Variants in PDE4B observed in about 807,000 individuals in gnomAD.
The protein encoded by PDE4B is phosphodiesterase 4B.
Under a neutral mutation model 82.2 loss-of-function variants are expected in PDE4B, and 20 were observed. That is an observed-to-expected ratio of 0.24 (90% CI 0.17 to 0.35). PDE4B has a LOEUF of 0.35. PDE4B is among the 10% of genes least tolerant of loss of function. The pLI is 1.00. For missense variants in PDE4B, 655 were observed against 907.2 expected (o/e 0.72, Z 3.57); for synonymous variants, 320 against 318.9 (o/e 1.00, Z -0.04).
chr1:65,955,354 T>A (rs1383897357), intron 3 of PDE4B, among the ~76,000 whole-genome samples: 2 of 152,094 alleles, frequency 1.3e-5, no homozygotes, highest in African/African-American at 4.8e-5. Context: ...TCCACTAAAG[T>A]CAAGTGCAGT....
intron 4 of PDE4B, among the ~76,000 whole-genome samples, chr1:66,248,084 G>T (rs1653468352): frequency 6.6e-6 from 1 of 152,082 alleles, no homozygotes; most frequent in Non-Finnish European, 1.5e-5. Flanking sequence ...CCTTTGCTTG[G>T]TGACTTTAAT....
chr1:65,875,148 A>G (rs1646624505), intron 1 of PDE4B, among the ~76,000 whole-genome samples: 1 of 152,206 alleles, frequency 6.6e-6, no homozygotes, highest in Admixed American at 6.5e-5. Context: ...AAGGACATGA[A>G]CAGAAACTTC....
chr1:65,922,523 T>C (rs868444545), intron 3 of PDE4B, among the ~76,000 whole-genome samples: 1 of 152,190 alleles, frequency 6.6e-6, no homozygotes, highest in African/African-American at 2.4e-5. Context: ...TTTATGTCTG[T>C]GGGCAAGTGG....
intron 3 of PDE4B, among the ~76,000 whole-genome samples, chr1:66,148,277 A>G (rs1646315386): frequency 6.6e-6 from 1 of 151,770 alleles, no homozygotes; most frequent in African/African-American, 2.4e-5. Context: ...CTTTAAAATA[A>G]TAATAATAAT....
intron 8 of PDE4B, among the ~76,000 whole-genome samples, chr1:66,349,877 A>G (rs538470934): frequency 6.6e-6 from 1 of 152,128 alleles, no homozygotes; most frequent in Admixed American, 6.5e-5. Flanking sequence ...TTGGGTCTTC[A>G]TTTCTTCCCA....
intron 3 of PDE4B, among the ~76,000 whole-genome samples, chr1:66,004,808 A>C (rs75552502): frequency 6.6e-6 from 1 of 151,962 alleles, no homozygotes; most frequent in Admixed American, 6.6e-5. Flanking sequence ...GTTTCCTGGC[A>C]CCACCACTTA....
chr1:66,332,443 T>C, intron 7 of PDE4B, 65 bp from the exon 8 acceptor site: 1 of 1,614,094 alleles, frequency 6.2e-7, no homozygotes, highest in Non-Finnish European at 8.5e-7. Context: ...GTGGTAGCGG[T>C]GACTCTGCTA....
At chr1:66,200,127 G>C (rs1345696243) in intron 3 of PDE4B, among the ~76,000 whole-genome samples, 3 of 152,056 alleles carry the variant, frequency 2.0e-5, no homozygotes, top group African/African-American at 4.8e-5. Context: ...TCTTGTTTTT[G>C]TCAGGTTTGT....
chr1:65,962,763 G>T (rs760694893), intron 3 of PDE4B, among the ~76,000 whole-genome samples: 4 of 152,150 alleles, frequency 2.6e-5, no homozygotes. Flanking sequence ...GCCTCACGAG[G>T]CAGGTCTATG....
chr1:66,234,847 G>C (rs184081448), intron 3 of PDE4B, among the ~76,000 whole-genome samples: 11 of 151,530 alleles, frequency 7.3e-5, no homozygotes, highest in Admixed American at 6.6e-4. Flanking sequence ...GCTTTTTCTT[G>C]AGCTAGAAAC....
At chr1:66,090,274 G>T (rs916769804) in intron 3 of PDE4B, among the ~76,000 whole-genome samples, 7 of 151,896 alleles carry the variant, frequency 4.6e-5, no homozygotes, top group Non-Finnish European at 7.4e-5. Flanking sequence ...TGATGGACGA[G>T]CTATAAAGCT....
At chr1:66,016,363 A>T (rs527576087) in intron 3 of PDE4B, among the ~76,000 whole-genome samples, 1 of 152,184 alleles carries the variant, frequency 6.6e-6, no homozygotes, top group South Asian at 2.1e-4. Context: ...TGATAAATAT[A>T]TATCAAGTGC....
chr1:66,006,755 C>G (rs1040784086), intron 3 of PDE4B, among the ~76,000 whole-genome samples: 1 of 152,108 alleles, frequency 6.6e-6, no homozygotes, highest in African/African-American at 2.4e-5. Context: ...CTTTTCCCTG[C>G]TCTGCTCTGC....
intron 1 of PDE4B, among the ~76,000 whole-genome samples, chr1:65,887,186 T>TTTTTTCTTTCTTTC (rs1433212795): frequency 1.7e-5 from 1 of 60,076 alleles, no homozygotes; most frequent in African/African-American, 6.3e-5. Context: ...CTCCCTCCCT[T>TTTTTTCTTTCTTTC]TTTCTTTCTT....
intron 3 of PDE4B, among the ~76,000 whole-genome samples, chr1:66,030,707 C>T (rs2100796709): frequency 6.6e-6 from 1 of 152,218 alleles, no homozygotes; most frequent in Middle Eastern, 3.4e-3. Flanking sequence ...ATGGAATCAA[C>T]CTAGGAGCCC....
intron 3 of PDE4B, among the ~76,000 whole-genome samples, chr1:66,177,377 T>C (rs1646952158): frequency 6.6e-6 from 1 of 152,188 alleles, no homozygotes; most frequent in Admixed American, 6.5e-5. Context: ...AATGAATACT[T>C]GTGAAATGAG....
At chr1:65,865,099 G>A (rs1646496409) in intron 1 of PDE4B, among the ~76,000 whole-genome samples, 1 of 152,196 alleles carries the variant, frequency 6.6e-6, no homozygotes, top group South Asian at 2.1e-4. Context: ...GGAATCTAGA[G>A]AGGCAGTCTG....
intron 3 of PDE4B, among the ~76,000 whole-genome samples, chr1:65,935,761 G>A (rs923369818): frequency 1.3e-5 from 2 of 152,086 alleles, no homozygotes; most frequent in African/African-American, 4.8e-5. Context: ...GACCAATATG[G>A]AGAAACCCCA....
chr1:65,971,917 A>T (rs781417966), intron 3 of PDE4B, among the ~76,000 whole-genome samples: 2 of 152,134 alleles, frequency 1.3e-5, no homozygotes, highest in Non-Finnish European at 1.5e-5. Flanking sequence ...GTAGGTCATA[A>T]TCTCTTTTTC....
Sources: allele counts gnomAD v4.1 joint callset (sites outside exome capture counted in the v4.1 genomes callset), GRCh38; gene constraint gnomAD v4.1.1; transcripts MANE v1.5; gene names NCBI Gene and HGNC (gene_info 2026-07-23, HGNC 2026-07-21).